Variants in KLF12 observed in about 807,000 individuals in gnomAD.
KLF12 encodes Krueppel-like factor 12.
A neutral mutation model predicts 37.8 loss-of-function variants in KLF12; 9 were observed. The ratio of observed to expected loss-of-function variants is 0.24; its 90% CI spans 0.14 to 0.42. KLF12 has a LOEUF of 0.42. Among genes scored for constraint, KLF12 ranks in the 10% least tolerant of loss-of-function variants. KLF12 has a pLI of 1.00. For missense variants in KLF12, 411 were observed against 516.0 expected (o/e 0.80, Z 1.97); for synonymous variants, 208 against 202.1 (o/e 1.03, Z -0.25).
intron 3 of KLF12, among the ~76,000 whole-genome samples, chr13:73,868,480 T>G (rs1886302162): frequency 6.6e-6 from 1 of 151,520 alleles, no homozygotes; most frequent in East Asian, 2.0e-4. Flanking sequence ...AACCTCCGCC[T>G]CCCGGGTTCA....
At chr13:73,821,995 AATT>A (rs1360152816) in intron 4 of KLF12, among the ~76,000 whole-genome samples, 1 of 152,092 alleles carries the variant, frequency 6.6e-6, no homozygotes, top group African/African-American at 2.4e-5. Context: ...TTGTTTCTCC[AATT>A]ATGCTGTTTA....
chr13:73,807,168 C>T (rs554883509), intron 5 of KLF12, among the ~76,000 whole-genome samples: 1 of 152,024 alleles, frequency 6.6e-6, no homozygotes, highest in Non-Finnish European at 1.5e-5. Context: ...ATTAGCTGGG[C>T]GTGGTGGCTT....
the KLF12 span, among the ~76,000 whole-genome samples, chr13:74,182,862 G>A: frequency 6.6e-6 from 1 of 151,936 alleles, no homozygotes; most frequent in East Asian, 1.9e-4. Flanking sequence ...TGAAGCAATA[G>A]GTATATAACA....
chr13:74,295,307 AC>A, the KLF12 span, among the ~76,000 whole-genome samples: 1 of 151,644 alleles, frequency 6.6e-6, no homozygotes, highest in East Asian at 1.9e-4. Flanking sequence ...TCCTGCCTCC[AC>A]TCCCTATAAA....
At chr13:74,060,779 T>G (rs1004754133) in intron 1 of KLF12, among the ~76,000 whole-genome samples, 3 of 152,198 alleles carry the variant, frequency 2.0e-5, no homozygotes, top group African/African-American at 7.2e-5. Flanking sequence ...ACCTGATTGC[T>G]CTGGCTAGGC....
intron 1 of KLF12, among the ~76,000 whole-genome samples, chr13:74,086,663 A>T (rs1875325201): frequency 6.6e-6 from 1 of 152,096 alleles, no homozygotes; most frequent in Non-Finnish European, 1.5e-5. Context: ...ACCCCTGAAC[A>T]TCATGGAGGT....
At chr13:73,849,483 G>A (rs950352233) in intron 3 of KLF12, among the ~76,000 whole-genome samples, 2 of 151,558 alleles carry the variant, frequency 1.3e-5, no homozygotes, top group Admixed American at 1.3e-4. Flanking sequence ...AAGGGGGAAC[G>A]AAGGCTGAGG....
intron 6 of KLF12, among the ~76,000 whole-genome samples, chr13:73,760,369 G>A (rs1207098748): frequency 6.6e-6 from 1 of 152,154 alleles, no homozygotes; most frequent in East Asian, 1.9e-4. Flanking sequence ...TGCCCAGGCT[G>A]GAATGAGGTG....
chr13:73,752,199 T>A (rs142395103), intron 6 of KLF12, among the ~76,000 whole-genome samples: 2,760 of 152,210 alleles, frequency 0.018, 42 homozygotes, highest in Middle Eastern at 0.068. Flanking sequence ...GCCAGGCTGG[T>A]CTTGAACTCC....
chr13:73,880,170 A>G (rs1886909584), intron 3 of KLF12, among the ~76,000 whole-genome samples: 1 of 152,136 alleles, frequency 6.6e-6, no homozygotes. Context: ...ACACCTGCTC[A>G]TGAATACTTG....
chr13:74,233,256 A>G, the KLF12 span, among the ~76,000 whole-genome samples: 8 of 152,172 alleles, frequency 5.3e-5, no homozygotes, highest in Admixed American at 4.6e-4. Flanking sequence ...GGATGACACC[A>G]GAACTTTTTA....
At chr13:73,794,508 C>T (rs955238312) in intron 5 of KLF12, among the ~76,000 whole-genome samples, 1 of 152,104 alleles carries the variant, frequency 6.6e-6, no homozygotes, top group African/African-American at 2.4e-5. Context: ...ATTATACATA[C>T]CTGTGGGTAT....
At chr13:74,133,409 A>G (rs1253401083) in intron 1 of KLF12, among the ~76,000 whole-genome samples, 2 of 151,602 alleles carry the variant, frequency 1.3e-5, no homozygotes, top group Non-Finnish European at 2.9e-5. Flanking sequence ...CACTAGGGGT[A>G]GAAAAACACT....
At chr13:74,134,113 C>T (rs1197836964), upstream of KLF12, among the ~76,000 whole-genome samples, 2 of 138,756 alleles carry the variant, frequency 1.4e-5, no homozygotes, top group East Asian at 4.8e-4. Flanking sequence ...CAGGACGCCG[C>T]TTCTCCTCCC....
chr13:73,755,233 C>A (rs930886115), intron 6 of KLF12, among the ~76,000 whole-genome samples: 1 of 151,970 alleles, frequency 6.6e-6, no homozygotes, highest in African/African-American at 2.4e-5. Flanking sequence ...GCAATGAGTA[C>A]AGGAATGGAA....
At chr13:74,018,084 CTTT>C (rs113838831) in intron 1 of KLF12, among the ~76,000 whole-genome samples, 5 of 143,388 alleles carry the variant, frequency 3.5e-5, no homozygotes, top group Admixed American at 7.0e-5. Context: ...ATAATTACTG[CTTT>C]TTTTTTTTTT....
chr13:73,900,194 G>A (rs542407125), intron 3 of KLF12, among the ~76,000 whole-genome samples: 2 of 152,232 alleles, frequency 1.3e-5, no homozygotes, highest in African/African-American at 2.4e-5. Flanking sequence ...AGATCCGGTC[G>A]TCATAAGGGA....
intron 6 of KLF12, 62 bp from the exon 7 acceptor site, chr13:73,715,587 G>A (rs1425265348): frequency 6.5e-7 from 1 of 1,530,866 alleles, no homozygotes; most frequent in East Asian, 2.3e-5. Context: ...TGGTTCTGGT[G>A]GCATGGGAAC....
At chr13:73,928,280 T>C (rs1889500475) in intron 3 of KLF12, among the ~76,000 whole-genome samples, 1 of 152,152 alleles carries the variant, frequency 6.6e-6, no homozygotes, top group Admixed American at 6.5e-5. Context: ...TAGCTAAAGG[T>C]TAAGTGTTAG....
Sources: allele counts gnomAD v4.1 joint callset (sites outside exome capture counted in the v4.1 genomes callset), GRCh38; gene constraint gnomAD v4.1.1; transcripts MANE v1.5; gene names NCBI Gene and HGNC (gene_info 2026-07-23, HGNC 2026-07-21).